Variants in ADAMTSL3 observed in about 807,000 individuals in gnomAD.
ADAMTSL3 encodes ADAMTS like 3.
A neutral mutation model predicts 201.7 loss-of-function variants in ADAMTSL3; 128 were observed. The observed-to-expected ratio is 0.63, with a 90% CI of 0.55 to 0.73. The LOEUF (loss-of-function observed/expected upper bound fraction) is 0.73, where lower values mean the gene tolerates loss of function less well. ADAMTSL3 is among the 30% of genes least tolerant of loss of function. ADAMTSL3 has a pLI of 0.00. For synonymous variants in ADAMTSL3, 738 were observed against 748.4 expected (o/e 0.99, Z 0.23); for missense variants, 1,990 against 2,119.6 (o/e 0.94, Z 1.20).
chr15:83,892,613 T>C, intron 12 of ADAMTSL3, 71 bp from the exon 13 acceptor site: 1 of 1,479,286 alleles, frequency 6.8e-7, no homozygotes, highest in East Asian at 2.5e-5. Flanking sequence ...GGCCATACTT[T>C]TTGCCACCAT....
chr15:83,850,862 A>G (rs1235904866), intron 7 of ADAMTSL3, among the ~76,000 whole-genome samples: 4 of 152,210 alleles, frequency 2.6e-5, no homozygotes, highest in Admixed American at 2.6e-4. Context: ...CTCTTGCAGG[A>G]CAGTGAAGAA....
chr15:84,027,439 C>T lies in ADAMTSL3; in HGVS notation c.4656+2003C>T, dbSNP rs147844222. On this transcript the variant is annotated intron_variant, in intron 27 of 29. Coordinates refer to ENST00000286744, the MANE Select transcript of ADAMTSL3 (RefSeq NM_207517.3). ...AGGGCAAAAAAATACAAATAAGAAACGGAGGCCGGGCGCGGTGACTCACAC... is the reference window on the plus strand; with the variant it reads ...AGGGCAAAAAAATACAAATAAGAAATGGAGGCCGGGCGCGGTGACTCACAC... Among the ~76,000 whole-genome samples the T allele has an allele frequency of 6.4e-4, 97 of 152,188 alleles. No homozygotes were observed. The South Asian group carries it at 7.3e-3, about 11-fold the overall frequency.
At chr15:83,757,531 A>G (rs1432219048) in intron 3 of ADAMTSL3, among the ~76,000 whole-genome samples, 5 of 152,150 alleles carry the variant, frequency 3.3e-5, no homozygotes, top group South Asian at 2.1e-4. Context: ...TGTTCCTCCT[A>G]CGCCTCTGGG....
intron 4 of ADAMTSL3, among the ~76,000 whole-genome samples, chr15:83,793,161 G>A (rs2063369323): frequency 1.3e-5 from 2 of 152,140 alleles, no homozygotes; most frequent in African/African-American, 2.4e-5. Context: ...AGAGTAAAAA[G>A]GCAGTTGCTA....
intron 5 of ADAMTSL3, among the ~76,000 whole-genome samples, chr15:83,810,930 G>C (rs141086560): frequency 6.6e-6 from 1 of 151,992 alleles, no homozygotes; most frequent in Non-Finnish European, 1.5e-5. Context: ...GTAGAAACAG[G>C]GTTTCACCAT....
At chr15:83,656,221 T>A (rs940650970) in intron 2 of ADAMTSL3, among the ~76,000 whole-genome samples, 13 of 152,248 alleles carry the variant, frequency 8.5e-5, no homozygotes, top group Non-Finnish European at 1.6e-4. Context: ...ATAAATATTC[T>A]GAGTTTACAT....
At chr15:84,031,258 C>A in intron 27 of ADAMTSL3, 77 bp from the exon 28 acceptor site, 1 of 1,409,206 alleles carries the variant, frequency 7.1e-7, no homozygotes, top group Non-Finnish European at 1.0e-6. Flanking sequence ...AGCTATCCTG[C>A]CTCAGTACAT....
chr15:83,975,078 T>C (rs1358008324), intron 20 of ADAMTSL3, among the ~76,000 whole-genome samples: 2 of 144,382 alleles, frequency 1.4e-5, no homozygotes, highest in African/African-American at 2.6e-5. Flanking sequence ...CTCAGCTCAC[T>C]GCAAGCTCTG....
At chr15:83,759,839 T>C (rs931297937) in intron 3 of ADAMTSL3, among the ~76,000 whole-genome samples, 1 of 152,170 alleles carries the variant, frequency 6.6e-6, no homozygotes, top group Admixed American at 6.5e-5. Flanking sequence ...ATAATATATT[T>C]CATAATATGA....
chr15:83,886,575 C>T (rs1467436532), intron 10 of ADAMTSL3, among the ~76,000 whole-genome samples: 1 of 152,126 alleles, frequency 6.6e-6, no homozygotes, highest in African/African-American at 2.4e-5. Flanking sequence ...CCTAAACCTC[C>T]TACTACACCT....
intron 3 of ADAMTSL3, among the ~76,000 whole-genome samples, chr15:83,751,429 C>T (rs960993562): frequency 1.4e-4 from 22 of 152,112 alleles, no homozygotes; most frequent in Non-Finnish European, 2.8e-4. Flanking sequence ...CATAATTCTT[C>T]CTAGAGCCTT....
At chr15:84,012,388 C>A (rs1353922635) in intron 23 of ADAMTSL3, among the ~76,000 whole-genome samples, 1 of 152,156 alleles carries the variant, frequency 6.6e-6, no homozygotes, top group Admixed American at 6.5e-5. Context: ...TGATAGCTGT[C>A]AGCTGAAGGC....
intron 11 of ADAMTSL3, 116 bp downstream of exon 11, chr15:83,890,363 G>T: frequency 3.0e-6 from 4 of 1,327,234 alleles, no homozygotes; most frequent in Non-Finnish European, 4.1e-6. Flanking sequence ...GTCTACTGGC[G>T]GCAGGTGCCT....
chr15:83,927,972 A>ATTTTTTTTTTTTTTTTTTTTTTT (rs5814171), intron 17 of ADAMTSL3, among the ~76,000 whole-genome samples: 1 of 146,912 alleles, frequency 6.8e-6, no homozygotes. Context: ...TGGCTGTGTG[A>ATTTTTTTTTTTTTTTTTTTTTTT]TTTTTTTTTT....
intron 8 of ADAMTSL3, among the ~76,000 whole-genome samples, chr15:83,859,864 C>G (rs935763228): frequency 2.0e-5 from 3 of 152,158 alleles, no homozygotes; most frequent in Admixed American, 2.0e-4. Flanking sequence ...GTCAAATAAA[C>G]TATTTTTGTA....
At chr15:83,808,166 A>G (rs1279658354) in intron 5 of ADAMTSL3, among the ~76,000 whole-genome samples, 2 of 152,242 alleles carry the variant, frequency 1.3e-5, no homozygotes, top group African/African-American at 4.8e-5. Context: ...GCTTACGTAC[A>G]TCGAAGGAAA....
chr15:83,871,569 C>G lies in ADAMTSL3; in HGVS notation c.960+610C>G, dbSNP rs146178094. On this transcript the variant is annotated intron_variant, in intron 9 of 29. Transcript: ENST00000286744. Reference sequence around the variant, plus strand: ...CATGCAGTCTTGCGGTGGGCTGATTCAAGATCAGGATTTGCTTCCCCAGAT... The same window carrying G: ...CATGCAGTCTTGCGGTGGGCTGATTGAAGATCAGGATTTGCTTCCCCAGAT... 8.5e-3 allele frequency among the ~76,000 whole-genome samples: 1,293 copies of G among 152,210 alleles called. 17 individuals carry two copies. The highest frequency in any genetic ancestry group is 0.011 in the Non-Finnish European group (754 of 68,016).
At chr15:83,955,190 G>A (rs1284932363) in intron 19 of ADAMTSL3, among the ~76,000 whole-genome samples, 1 of 152,168 alleles carries the variant, frequency 6.6e-6, no homozygotes, top group Non-Finnish European at 1.5e-5. Flanking sequence ...AATCTACCTG[G>A]TATTCTATTA....
intron 3 of ADAMTSL3, among the ~76,000 whole-genome samples, chr15:83,753,013 C>A (rs965200165): frequency 6.6e-6 from 1 of 152,188 alleles, no homozygotes; most frequent in Non-Finnish European, 1.5e-5. Flanking sequence ...TGCTTGCAAT[C>A]ATGAGTTTTC....
Sources: allele counts gnomAD v4.1 joint callset (sites outside exome capture counted in the v4.1 genomes callset), GRCh38; gene constraint gnomAD v4.1.1; transcripts MANE v1.5; gene names NCBI Gene and HGNC (gene_info 2026-07-23, HGNC 2026-07-21).